Variants in PDSS2 observed in about 807,000 individuals in gnomAD.
The protein encoded by PDSS2 is decaprenyl diphosphate synthase subunit 2, also known as all trans-polyprenyl-diphosphate synthase PDSS2.
A neutral mutation model predicts 44.5 loss-of-function variants in PDSS2; 31 were observed. The ratio of observed to expected loss-of-function variants is 0.70; its 90% CI spans 0.52 to 0.94. The LOEUF (loss-of-function observed/expected upper bound fraction) is 0.94. Ranked by LOEUF, PDSS2 falls within the 40% of genes least tolerant of loss-of-function variation. The pLI is 0.00. For synonymous variants in PDSS2, 157 were observed against 180.3 expected (o/e 0.87, Z 1.03); for missense variants, 452 against 482.2 (o/e 0.94, Z 0.59).
At chr6:107,210,629 G>A (rs967888446) in intron 5 of PDSS2, 59 bp from the exon 6 acceptor site, 3 of 1,149,200 alleles carry the variant, frequency 2.6e-6, no homozygotes, top group Non-Finnish European at 3.9e-6. Flanking sequence ...GTATGTTTTA[G>A]TTATATTCAG....
At chr6:107,204,227 C>T (rs188410543) in intron 6 of PDSS2, among the ~76,000 whole-genome samples, 4 of 152,260 alleles carry the variant, frequency 2.6e-5, no homozygotes, top group Admixed American at 2.0e-4. Context: ...AGGCATAAGC[C>T]ACCGCGCACT....
intron 1 of PDSS2, among the ~76,000 whole-genome samples, chr6:107,428,381 G>C (rs990866571): frequency 6.6e-6 from 1 of 152,232 alleles, no homozygotes; most frequent in Non-Finnish European, 1.5e-5. Context: ...ATGCTTTGAA[G>C]AATGATACAC....
chr6:107,388,807 A>T (rs1168008378), intron 1 of PDSS2, among the ~76,000 whole-genome samples: 1 of 152,200 alleles, frequency 6.6e-6, no homozygotes, highest in Non-Finnish European at 1.5e-5. Context: ...AACTGGAAGC[A>T]ACCACATGTC....
intron 7 of PDSS2, among the ~76,000 whole-genome samples, chr6:107,157,734 G>T (rs908577870): frequency 3.3e-5 from 5 of 151,310 alleles, no homozygotes; most frequent in Non-Finnish European, 5.9e-5. Context: ...GCAATGGCGC[G>T]ATCTTGGCTC....
intron 4 of PDSS2, among the ~76,000 whole-genome samples, chr6:107,240,031 A>G (rs978250351): frequency 1.3e-5 from 2 of 152,314 alleles, no homozygotes; most frequent in South Asian, 2.1e-4. Context: ...TTTTGTAAAA[A>G]TGTAAAATAT....
intron 7 of PDSS2, among the ~76,000 whole-genome samples, chr6:107,165,761 G>A (rs1335891960): frequency 6.6e-6 from 1 of 152,050 alleles, no homozygotes; most frequent in Admixed American, 6.6e-5. Context: ...TGGGCAGTAT[G>A]GCCATTTTCA....
intron 6 of PDSS2, among the ~76,000 whole-genome samples, chr6:107,194,804 A>G (rs1367729861): frequency 6.6e-6 from 1 of 152,116 alleles, no homozygotes; most frequent in Non-Finnish European, 1.5e-5. Flanking sequence ...TACAAAAATT[A>G]GCCAGGCGTG....
intron 1 of PDSS2, among the ~76,000 whole-genome samples, chr6:107,431,449 C>T (rs973424742): frequency 3.3e-5 from 5 of 152,240 alleles, no homozygotes; most frequent in African/African-American, 9.6e-5. Flanking sequence ...AAGGTCTTGC[C>T]ACATTGCCCA....
At chr6:107,456,488 A>G (rs1782048330) in intron 1 of PDSS2, among the ~76,000 whole-genome samples, 1 of 152,210 alleles carries the variant, frequency 6.6e-6, no homozygotes, top group South Asian at 2.1e-4. Context: ...AAACTATCAT[A>G]TTTGTACATT....
chr6:107,202,987 T>C (rs1455125747), intron 6 of PDSS2, among the ~76,000 whole-genome samples: 1 of 152,140 alleles, frequency 6.6e-6, no homozygotes, highest in African/African-American at 2.4e-5. Context: ...TTTTTCTTGC[T>C]ATGCTGCTCT....
chr6:107,341,587 C>G (rs1385109239), intron 1 of PDSS2, among the ~76,000 whole-genome samples: 2 of 152,078 alleles, frequency 1.3e-5, no homozygotes, highest in Non-Finnish European at 2.9e-5. Context: ...AATTCCTACA[C>G]TTAAAGGAAT....
At chr6:107,389,330 T>C (rs979159527) in intron 1 of PDSS2, among the ~76,000 whole-genome samples, 1 of 151,978 alleles carries the variant, frequency 6.6e-6, no homozygotes, top group Non-Finnish European at 1.5e-5. Context: ...TCTGAGAATA[T>C]GGGGGAAAAA....
intron 1 of PDSS2, among the ~76,000 whole-genome samples, chr6:107,441,983 G>A (rs1479354843): frequency 1.3e-5 from 2 of 152,174 alleles, no homozygotes; most frequent in African/African-American, 4.8e-5. Flanking sequence ...ATAAAAGGCA[G>A]CCTGAGCCAA....
intron 3 of PDSS2, among the ~76,000 whole-genome samples, chr6:107,268,037 A>G (rs769157110): frequency 6.6e-6 from 1 of 152,220 alleles, no homozygotes; most frequent in Non-Finnish European, 1.5e-5. Flanking sequence ...TATATGTGCT[A>G]GCCAAAAATG....
At chr6:107,333,306 A>G (rs1777770180) in intron 2 of PDSS2, among the ~76,000 whole-genome samples, 1 of 152,218 alleles carries the variant, frequency 6.6e-6, no homozygotes, top group African/African-American at 2.4e-5. Flanking sequence ...AAGTAAAATT[A>G]TTGCTGACAT....
At chr6:107,388,476 T>C (rs541719603) in intron 1 of PDSS2, among the ~76,000 whole-genome samples, 1 of 143,576 alleles carries the variant, frequency 7.0e-6, no homozygotes, top group East Asian at 2.1e-4. Flanking sequence ...TGAGACGGAG[T>C]CTCGCTCTGT....
chr6:107,306,095 T>A (rs1485158813), intron 2 of PDSS2, among the ~76,000 whole-genome samples: 2 of 152,140 alleles, frequency 1.3e-5, no homozygotes, highest in African/African-American at 2.4e-5. Flanking sequence ...AGAAGTACAA[T>A]CCTTATCTTT....
In PDSS2 at chr6:107,245,602, T is replaced by C. The variant is rs2114805225; in HGVS notation, c.648A>G (p.Ala216=). 6.3e-7 allele frequency: 1 copy of C among 1,588,744 alleles called. No individual in the cohort carries two copies. The highest frequency in any genetic ancestry group is 2.2e-5 in the East Asian group (1 of 44,474). The change falls in exon 4 of 8, where the codon GCA becomes GCG. Residue 216 remains alanine, a synonymous_variant. Transcript: ENST00000369037. Reference sequence around the variant, plus strand: ...CTTGTACCAAGTCCATAAGAGCACTTGCTAAAAGTTCCACAACCTAAAAAG... The same window carrying C: ...CTTGTACCAAGTCCATAAGAGCACTCGCTAAAAGTTCCACAACCTAAAAAG... ...LQNTKVVELL[A]SALMDLVQGV...
At chr6:107,264,334 C>T (rs1009913692) in intron 3 of PDSS2, 1 of 1,465,616 alleles carries the variant, frequency 6.8e-7, no homozygotes, top group Middle Eastern at 1.8e-4. Flanking sequence ...GGAAATACAT[C>T]AGCTATGTAA....
Sources: allele counts gnomAD v4.1 joint callset (sites outside exome capture counted in the v4.1 genomes callset), GRCh38; gene constraint gnomAD v4.1.1; transcripts MANE v1.5; gene names NCBI Gene and HGNC (gene_info 2026-07-23, HGNC 2026-07-21).